AGFG1: variants seen among roughly 807,000 people sequenced by gnomAD.
The protein encoded by AGFG1 is ArfGAP with FG repeats 1, also known as arf-GAP domain and FG repeat-containing protein 1.
AGFG1 carries 10 observed loss-of-function variants against 60.6 expected under a neutral mutation model. The ratio of observed to expected loss-of-function variants is 0.16; its 90% CI spans 0.10 to 0.28. The LOEUF is 0.28. AGFG1 is among the 10% of genes least tolerant of loss of function. The probability of loss-of-function intolerance (pLI) is 1.00; values close to 1 mark genes in which losing one functional copy is unlikely to be tolerated. For missense variants in AGFG1, 537 were observed against 676.5 expected (o/e 0.79, Z 2.29); for synonymous variants, 247 against 242.9 (o/e 1.02, Z -0.16).
intron 2 of AGFG1, among the ~76,000 whole-genome samples, chr2:227,497,727 CTTGTTTTGTTTTT>C (rs1691019518): frequency 7.3e-5 from 1 of 13,640 alleles, no homozygotes; most frequent in Non-Finnish European, 1.3e-4. Flanking sequence ...GAGTTTCTTT[CTTGTTTTGTTTTT>C]TTTTTTTTTT....
intron 10 of AGFG1, among the ~76,000 whole-genome samples, chr2:227,537,529 C>A (rs1474196788): frequency 6.6e-6 from 1 of 152,066 alleles, no homozygotes; most frequent in Non-Finnish European, 1.5e-5. Context: ...GGGTATAATA[C>A]TGAATATTTT....
chr2:227,515,627 T>C (rs1218449643), intron 2 of AGFG1, among the ~76,000 whole-genome samples: 1 of 152,102 alleles, frequency 6.6e-6, no homozygotes, highest in Non-Finnish European at 1.5e-5. Flanking sequence ...AAACCAATAT[T>C]CTACCTACTT....
intron 2 of AGFG1, among the ~76,000 whole-genome samples, chr2:227,513,939 A>G (rs1285072343): frequency 1.3e-5 from 2 of 152,222 alleles, no homozygotes; most frequent in African/African-American, 2.4e-5. Context: ...GGGGAATCCA[A>G]AAGTAAATGA....
intron 10 of AGFG1, among the ~76,000 whole-genome samples, chr2:227,544,591 T>G (rs1009423232): frequency 6.6e-6 from 1 of 152,226 alleles, no homozygotes; most frequent in Non-Finnish European, 1.5e-5. Flanking sequence ...TTGCAGTGAC[T>G]GGTACCGGTT....
Position 227,512,819 on chromosome 2 carries a change from C to A in AGFG1, c.262-7129C>A, listed in dbSNP as rs529702725. ...AAGTGCTGTGATTATATCTTACATA[C>A]AAAAGGAGGCAGGATTACCTAGAGG... On this transcript the variant is annotated intron_variant, in intron 2 of 12. Coordinates refer to ENST00000310078, the MANE Select transcript of AGFG1 (RefSeq NM_004504.5). Among the ~76,000 whole-genome samples the A allele has an allele frequency of 5.3e-5, 8 of 152,148 alleles. No individual in the cohort carries two copies. The South Asian group carries it at 1.4e-3, about 28-fold the overall frequency.
At chr2:227,531,365 AT>A (rs1014576303) in intron 6 of AGFG1, among the ~76,000 whole-genome samples, 155 bp downstream of exon 6, 2 of 151,916 alleles carry the variant, frequency 1.3e-5, no homozygotes, top group African/African-American at 2.4e-5. Flanking sequence ...TGAACTCTTT[AT>A]TTTTTTCTAT....
rs1371410112 is a variant in AGFG1 at position 227,496,780 on chromosome 2, A to G, written c.261+5140A>G. Reference sequence around the variant, plus strand: ...TTATTGAATCTGAATCTAAAGTGGTAGAAGTTATAAGAAGAATTATCAATT... The same window carrying G: ...TTATTGAATCTGAATCTAAAGTGGTGGAAGTTATAAGAAGAATTATCAATT... On this transcript the variant is annotated intron_variant, in intron 2 of 12. Coordinates refer to ENST00000310078, the MANE Select transcript of AGFG1 (RefSeq NM_004504.5). Among the ~76,000 whole-genome samples the G allele has an allele frequency of 4.6e-5, 7 of 152,358 alleles. No individual in the cohort carries two copies. In the East Asian group the frequency reaches 1.3e-3, roughly 29 times the overall value.
At chr2:227,507,064 C>T (rs1236356957) in intron 2 of AGFG1, among the ~76,000 whole-genome samples, 1 of 152,026 alleles carries the variant, frequency 6.6e-6, no homozygotes, top group Non-Finnish European at 1.5e-5. Flanking sequence ...TGCCTACATC[C>T]ACTAATTAGC....
chr2:227,538,350 G>T (rs1316488010), intron 10 of AGFG1, among the ~76,000 whole-genome samples: 3 of 152,180 alleles, frequency 2.0e-5, no homozygotes, highest in Non-Finnish European at 4.4e-5. Context: ...ATAGTTACTT[G>T]CAGGTTGACC....
intron 10 of AGFG1, among the ~76,000 whole-genome samples, chr2:227,542,357 G>GT (rs2106232803): frequency 6.6e-6 from 1 of 152,294 alleles, no homozygotes; most frequent in East Asian, 1.9e-4. Flanking sequence ...TTTATTGGGA[G>GT]TTTTTAGCAT....
chr2:227,540,336 C>T (rs1692452353), intron 10 of AGFG1, among the ~76,000 whole-genome samples: 1 of 151,962 alleles, frequency 6.6e-6, no homozygotes, highest in Non-Finnish European at 1.5e-5. Flanking sequence ...AATGGTATCC[C>T]TCCCCCACTC....
chr2:227,532,251 T>A (rs1325337075), intron 6 of AGFG1: 2 of 1,429,990 alleles, frequency 1.4e-6, no homozygotes, highest in African/African-American at 1.4e-5. Context: ...CTAATTTGTA[T>A]ATTTTTGCTA....
At chr2:227,528,306 A>G (rs1252099099) in intron 5 of AGFG1, among the ~76,000 whole-genome samples, 1 of 152,160 alleles carries the variant, frequency 6.6e-6, no homozygotes, top group Admixed American at 6.5e-5. Context: ...TGTACTGAGA[A>G]GGATAAGAAA....
intron 2 of AGFG1, among the ~76,000 whole-genome samples, chr2:227,505,083 ATT>A (rs1341467804): frequency 2.0e-5 from 3 of 152,106 alleles, no homozygotes; most frequent in Admixed American, 2.0e-4. Flanking sequence ...TGCTGCATGT[ATT>A]TTGAAACTTT....
At chr2:227,505,177 TC>T (rs1691272744) in intron 2 of AGFG1, among the ~76,000 whole-genome samples, 2 of 150,290 alleles carry the variant, frequency 1.3e-5, no homozygotes, top group South Asian at 4.3e-4. Flanking sequence ...TTGATAATAC[TC>T]TTTTTTGAAA....
At position 227,472,305 on chromosome 2, in the gene AGFG1, G is replaced by A; in HGVS notation, c.-117G>A. On this transcript the variant is annotated 5_prime_UTR_variant, in exon 1 of 13. Coordinates refer to ENST00000310078, the MANE Select transcript of AGFG1 (RefSeq NM_004504.5). ...CGCTGCGGCCGGGTCCGGCGCGGGCGGCGCGCGCAGACGGAGGGCGGCGGC... is the reference window on the plus strand; with the variant it reads ...CGCTGCGGCCGGGTCCGGCGCGGGCAGCGCGCGCAGACGGAGGGCGGCGGC... 2 of 626,068 alleles carry A rather than the reference G, an allele frequency of 3.2e-6. No individual in the cohort carries two copies. Among genetic ancestry groups the A allele is most frequent in the Non-Finnish European group, 4.0e-6 (2 of 503,502 alleles). 38.8% of individuals were successfully genotyped at this position (626,068 alleles called of 1,614,324 possible). A position where few individuals can be genotyped will look rare whatever the true frequency, so the allele number is the denominator to read the frequency against.
At chr2:227,474,549 G>A (rs191449027) in intron 1 of AGFG1, among the ~76,000 whole-genome samples, 89 of 152,274 alleles carry the variant, frequency 5.8e-4, no homozygotes, top group Non-Finnish European at 6.6e-4. Flanking sequence ...TCTCTATTGA[G>A]TCATTCCACA....
chr2:227,489,083 G>C (rs1304127856), intron 1 of AGFG1, among the ~76,000 whole-genome samples: 1 of 151,892 alleles, frequency 6.6e-6, no homozygotes, highest in Non-Finnish European at 1.5e-5. Flanking sequence ...CCAAAGTACT[G>C]GGATTACAGG....
chr2:227,542,196 T>C (rs1450492794), intron 10 of AGFG1, among the ~76,000 whole-genome samples: 1 of 152,182 alleles, frequency 6.6e-6, no homozygotes, highest in Non-Finnish European at 1.5e-5. Context: ...TCCAACACTA[T>C]GTTGAATAGG....
Sources: allele counts gnomAD v4.1 joint callset (sites outside exome capture counted in the v4.1 genomes callset), GRCh38; gene constraint gnomAD v4.1.1; transcripts MANE v1.5; gene names NCBI Gene and HGNC (gene_info 2026-07-23, HGNC 2026-07-21).